The following RHOA variants were observed in gnomAD, a reference collection of about 807,000 sequenced individuals.
RHOA encodes ras homolog family member A.
Under a neutral mutation model 17.5 loss-of-function variants are expected in RHOA, and 3 were observed. The observed-to-expected ratio is 0.17, with a 90% CI of 0.08 to 0.44. The LOEUF (loss-of-function observed/expected upper bound fraction) is 0.44. Among genes scored for constraint, RHOA ranks in the 20% least tolerant of loss-of-function variants. RHOA has a pLI of 0.99. For missense variants in RHOA, 56 were observed against 242.3 expected, an observed-to-expected ratio of 0.23 and a Z score of 5.10; for synonymous variants, 98 against 88.4, an observed-to-expected ratio of 1.11 and a Z score of -0.61.
intron 1 of RHOA, among the ~76,000 whole-genome samples, chr3:49,392,820 AAAG>A (rs1431099298): frequency 1.3e-5 from 2 of 152,194 alleles, no homozygotes; most frequent in African/African-American, 2.4e-5. Context: ...TGGATTGGTC[AAAG>A]AAGACATATC....
intron 1 of RHOA, among the ~76,000 whole-genome samples, chr3:49,388,303 A>G (rs1277086115): frequency 6.6e-6 from 1 of 152,110 alleles, no homozygotes; most frequent in African/African-American, 2.4e-5. Flanking sequence ...TGTCTTCCAA[A>G]GTGGTGGGAT....
intron 3 of RHOA, among the ~76,000 whole-genome samples, chr3:49,367,786 T>A (rs1033897046): frequency 2.6e-5 from 4 of 151,696 alleles, no homozygotes; most frequent in African/African-American, 9.7e-5. Context: ...CCTCCCAAAG[T>A]GCTAGGATTA....
At chr3:49,399,156 T>C (rs1575280323) in intron 1 of RHOA, among the ~76,000 whole-genome samples, 1 of 143,490 alleles carries the variant, frequency 7.0e-6, no homozygotes, top group South Asian at 2.2e-4. Flanking sequence ...GATCACGAGG[T>C]CAGGAGATCA....
chr3:49,377,833 C>T (rs955067338), intron 1 of RHOA, among the ~76,000 whole-genome samples: 2 of 151,528 alleles, frequency 1.3e-5, no homozygotes, highest in Non-Finnish European at 2.9e-5. Flanking sequence ...CTCAGGATCT[C>T]TTGCAAGGTT....
chr3:49,360,647 G>C (rs2047951714), intron 4 of RHOA, among the ~76,000 whole-genome samples: 1 of 151,764 alleles, frequency 6.6e-6, no homozygotes. Flanking sequence ...TTTTAGTAGA[G>C]ATGGGGTTTC....
intron 2 of RHOA, among the ~76,000 whole-genome samples, chr3:49,371,763 A>C (rs1468386886): frequency 6.6e-6 from 1 of 152,180 alleles, no homozygotes; most frequent in Non-Finnish European, 1.5e-5. Context: ...AGTGATGTCC[A>C]AGGTTTGCAG....
At chr3:49,377,079 G>A (rs1485746523) in intron 1 of RHOA, among the ~76,000 whole-genome samples, 8 of 152,164 alleles carry the variant, frequency 5.3e-5, no homozygotes. Context: ...GGTGAGCCGA[G>A]ATCATGCCAT....
chr3:49,388,007 CTT>C (rs772445967), intron 1 of RHOA, among the ~76,000 whole-genome samples: 4 of 143,754 alleles, frequency 2.8e-5, no homozygotes, highest in Non-Finnish European at 6.1e-5. Flanking sequence ...ATGGCTTTCT[CTT>C]TTTTTTTTTT....
intron 1 of RHOA, among the ~76,000 whole-genome samples, chr3:49,397,466 T>C (rs1436349782): frequency 6.6e-6 from 1 of 152,180 alleles, no homozygotes; most frequent in Non-Finnish European, 1.5e-5. Context: ...GTGTGATATA[T>C]GAATTATATC....
intron 2 of RHOA, 117 bp from the exon 3 acceptor site, chr3:49,368,665 T>TA (rs2048097450): frequency 3.0e-6 from 3 of 994,180 alleles, no homozygotes. Context: ...GCAGACGGTC[T>TA]AAAACAGTAA....
At chr3:49,410,143 G>A (rs572220835) in intron 1 of RHOA, among the ~76,000 whole-genome samples, 1 of 152,286 alleles carries the variant, frequency 6.6e-6, no homozygotes, top group East Asian at 1.9e-4. Context: ...TTTAAAAGAA[G>A]AAACAATGGA....
At chr3:49,383,419 CAAA>C (rs397819188) in intron 1 of RHOA, among the ~76,000 whole-genome samples, 3 of 124,852 alleles carry the variant, frequency 2.4e-5, no homozygotes, top group Admixed American at 7.9e-5. Flanking sequence ...GAATCCATCT[CAAA>C]AAAAAAAAAA....
At chr3:49,393,876 ATTT>A (rs751455504) in intron 1 of RHOA, among the ~76,000 whole-genome samples, 1 of 136,746 alleles carries the variant, frequency 7.3e-6, no homozygotes, top group Non-Finnish European at 1.6e-5. Context: ...CGCCTGGCTA[ATTT>A]TTTTTTTTTT....
chr3:49,411,976 C>CGAGGGCGGGCGGCGGCGG (rs2048949345), upstream of RHOA: 1 of 151,558 alleles, frequency 6.6e-6, no homozygotes, highest in South Asian at 2.2e-4. Context: ...CGCGAGAGAG[C>CGAGGGCGGGCGGCGGCGG]GAGGGCGGGC....
intron 1 of RHOA, among the ~76,000 whole-genome samples, chr3:49,395,573 C>T (rs1324851583): frequency 4.0e-5 from 6 of 150,848 alleles, no homozygotes; most frequent in Admixed American, 6.6e-5. Flanking sequence ...ATTAGCCAGG[C>T]GTGGTGGTGG....
chr3:49,397,749 C>A (rs1241704905), intron 1 of RHOA, among the ~76,000 whole-genome samples: 2 of 152,064 alleles, frequency 1.3e-5, no homozygotes, highest in Admixed American at 1.3e-4. Context: ...CGAGATTTCG[C>A]TTGCAAGTGG....
intron 1 of RHOA, among the ~76,000 whole-genome samples, chr3:49,398,998 T>A (rs1370718109): frequency 2.2e-5 from 3 of 134,244 alleles, no homozygotes; most frequent in African/African-American, 8.6e-5. Flanking sequence ...GAGGTTGCAG[T>A]TAGCTGAGAC....
intron 1 of RHOA, among the ~76,000 whole-genome samples, chr3:49,404,170 A>G (rs1481105075): frequency 6.9e-6 from 1 of 145,706 alleles, no homozygotes; most frequent in African/African-American, 2.5e-5. Flanking sequence ...GCGCAGTGGC[A>G]CATACACCTG....
intron 1 of RHOA, among the ~76,000 whole-genome samples, chr3:49,398,578 C>T (rs1219523078): frequency 6.6e-6 from 1 of 150,436 alleles, no homozygotes; most frequent in African/African-American, 2.4e-5. Context: ...AATCCCAGCA[C>T]TTTGGGAGGC....
Sources: gnomAD v4.1 joint callset for allele counts (sites outside exome capture counted in the v4.1 genomes callset) on GRCh38, gnomAD v4.1.1 for gene constraint, MANE v1.5 for transcripts, NCBI Gene and HGNC (gene_info 2026-07-23, HGNC 2026-07-21) for gene names.